The following SHROOM2 variants were observed in gnomAD, a reference collection of about 807,000 sequenced individuals.
The protein encoded by SHROOM2 is shroom family member 2.
SHROOM2 carries 33 observed loss-of-function variants against 75.9 expected under a neutral mutation model. That is an observed-to-expected ratio of 0.43 (90% CI 0.33 to 0.58). The LOEUF is 0.58. Ranked by LOEUF, SHROOM2 falls within the 20% of genes least tolerant of loss-of-function variation. The pLI, the probability that SHROOM2 is intolerant of heterozygous loss-of-function variation, is 0.04. For missense variants in SHROOM2, 1,434 were observed against 1,461.2 expected (o/e 0.98, Z 0.30); for synonymous variants, 655 against 663.6 (o/e 0.99, Z 0.20).
chrX:9,850,199 A>G (rs994125663), intron 1 of SHROOM2, among the ~76,000 whole-genome samples: 2 of 111,979 alleles, frequency 1.8e-5, no homozygotes, highest in African/African-American at 3.2e-5. Flanking sequence ...GGCGCTGCTC[A>G]TTGTGTAGAC....
intron 5 of SHROOM2, among the ~76,000 whole-genome samples, chrX:9,929,066 C>T (rs2084622395): frequency 8.9e-6 from 1 of 112,624 alleles, no homozygotes; most frequent in Non-Finnish European, 1.9e-5. Flanking sequence ...TGCATCTGTG[C>T]GCAAGCACAA....
chrX:9,893,974 TCAA>T (rs1320704876), intron 3 of SHROOM2, among the ~76,000 whole-genome samples: 1 of 102,799 alleles, frequency 9.7e-6, no homozygotes, highest in East Asian at 3.3e-4. Flanking sequence ...AAAACCAAAA[TCAA>T]CAACAACAAC....
chrX:9,820,426 A>G (rs2083847652), intron 1 of SHROOM2, among the ~76,000 whole-genome samples: 1 of 110,671 alleles, frequency 9.0e-6, no homozygotes, highest in Non-Finnish European at 1.9e-5. Flanking sequence ...GTGCAGTGGT[A>G]CAATCATAGC....
intron 1 of SHROOM2, among the ~76,000 whole-genome samples, chrX:9,825,794 C>T (rs759434543): frequency 5.3e-5 from 6 of 112,366 alleles, no homozygotes; most frequent in East Asian, 2.8e-4. Context: ...GCCTGTTTGA[C>T]GCTGTCTGAC....
intron 5 of SHROOM2, among the ~76,000 whole-genome samples, chrX:9,909,569 G>A (rs760090587): frequency 8.0e-5 from 9 of 112,181 alleles, no homozygotes; most frequent in African/African-American, 2.9e-4. Context: ...ACGTTGACAG[G>A]TAAGTCACAT....
chrX:9,914,970 G>C (rs1198777026), intron 5 of SHROOM2, among the ~76,000 whole-genome samples: 1 of 111,686 alleles, frequency 9.0e-6, no homozygotes, highest in Non-Finnish European at 1.9e-5. Context: ...AGGAATTTCA[G>C]TTTGGACTTC....
chrX:9,936,066 T>C (rs1445934270), intron 6 of SHROOM2, among the ~76,000 whole-genome samples: 2 of 110,942 alleles, frequency 1.8e-5, no homozygotes, highest in Non-Finnish European at 3.8e-5. Flanking sequence ...CCAGGGATGC[T>C]TTAGGTACCT....
At chrX:9,839,006 C>T (rs986790003) in intron 1 of SHROOM2, among the ~76,000 whole-genome samples, 1 of 111,017 alleles carries the variant, frequency 9.0e-6, no homozygotes, top group Non-Finnish European at 1.9e-5. Flanking sequence ...CCCTTTCCTT[C>T]CCTGTCGCAC....
intron 1 of SHROOM2, among the ~76,000 whole-genome samples, chrX:9,834,079 G>A (rs369191297): frequency 1.8e-5 from 2 of 112,575 alleles, no homozygotes; most frequent in Non-Finnish European, 3.8e-5. Flanking sequence ...AAGATGGGGG[G>A]ATGCCACTGG....
At chrX:9,923,128 T>C (rs919107753) in intron 5 of SHROOM2, among the ~76,000 whole-genome samples, 22 of 111,772 alleles carry the variant, frequency 2.0e-4, no homozygotes, top group African/African-American at 6.8e-4. Flanking sequence ...GTAAAACCTA[T>C]GATTTTATAA....
rs2147015727 is a variant in SHROOM2 at position 9,894,597 on chromosome X, C to G, written c.689C>G (p.Ser230Cys). The change falls in exon 4 of 10, where the codon TCC becomes TGC. Residue 230 changes from serine to cysteine, a missense_variant. By Grantham distance (112) the Ser-to-Cys change is moderately radical. Transcript: ENST00000380913. ...PDHTLSKADT[S>C]SAENILYTVG... Reference sequence around the variant, plus strand: ...CACACCTTGTCCAAAGCCGACACGTCCTCCGCAGAGAACATCCTCTACACT... The same window carrying G: ...CACACCTTGTCCAAAGCCGACACGTGCTCCGCAGAGAACATCCTCTACACT... 1 of 1,212,138 alleles carries G rather than the reference C, an allele frequency of 8.2e-7. No homozygotes were observed. The highest frequency in any genetic ancestry group is 1.1e-6 in the Non-Finnish European group (1 of 895,537).
Position 9,895,642 on chromosome X carries a change from G to A in SHROOM2, c.1734G>A (p.Arg578=). 8.6e-7 allele frequency: 1 copy of A among 1,165,305 alleles called. No homozygotes were observed. The highest frequency in any genetic ancestry group is 1.1e-6 in the Non-Finnish European group (1 of 875,666). ...CGTGGGCAGATGGGGAGAGCAGCAGGATCTGCCCGCAGGAGACGCCCCTGT... is the reference window on the plus strand; with the variant it reads ...CGTGGGCAGATGGGGAGAGCAGCAGAATCTGCCCGCAGGAGACGCCCCTGT... ...SITWADGESS[R]ICPQETPLLH... The change falls in exon 4 of 10, where the codon AGG becomes AGA. Residue 578 remains arginine, a synonymous_variant. Transcript: ENST00000380913.
intron 1 of SHROOM2, among the ~76,000 whole-genome samples, chrX:9,840,381 C>T (rs1271650867): frequency 9.0e-6 from 1 of 111,704 alleles, no homozygotes; most frequent in Non-Finnish European, 1.9e-5. Context: ...AATTCTCCCA[C>T]CTCAGCTCCC....
At chrX:9,930,596 A>T (rs950774250) in intron 5 of SHROOM2, among the ~76,000 whole-genome samples, 2 of 111,743 alleles carry the variant, frequency 1.8e-5, no homozygotes, top group South Asian at 7.7e-4. Flanking sequence ...GAATATTGAA[A>T]TGCAATGTGG....
At position 9,896,392 on chromosome X, in the gene SHROOM2, G is replaced by T; in HGVS notation, c.2484G>T (p.Arg828Ser). 1 of 1,212,307 alleles carries T rather than the reference G, an allele frequency of 8.2e-7. No homozygotes were observed. Among genetic ancestry groups the T allele is most frequent in the Non-Finnish European group, 1.1e-6 (1 of 895,663 alleles). ...GAATCCCGAGAGACAAGCCAGAGAG[G>T]CCGCGGACAGCGGGCCGCACATGTG... ...LHGIPRDKPE[R>S]PRTAGRTCEG... Residue 828 changes from arginine (R) to serine (S), a missense_variant, in exon 4 of 10, where the codon AGG becomes AGT. Arg to Ser is a moderately radical substitution (Grantham distance 110, BLOSUM62 -1). Around this residue, in one of 3 missense-constraint regions of SHROOM2, gnomAD observed 1,340 missense variants for 1,338.3 expected, o/e 1.00. Transcript: ENST00000380913.
chrX:9,901,722 G>A (rs1054613078), intron 5 of SHROOM2, among the ~76,000 whole-genome samples: 2 of 112,277 alleles, frequency 1.8e-5, no homozygotes, highest in African/African-American at 6.5e-5. Context: ...TTCAAACTGG[G>A]ATGGTTTGGC....
rs1456160560 is a variant in SHROOM2 at position 9,895,484 on chromosome X, C to A, written c.1576C>A (p.Pro526Thr). The A allele has an allele frequency of 1.7e-6, 2 of 1,206,678 alleles. No homozygotes were observed. Among genetic ancestry groups the A allele is most frequent in the African/African-American group, 3.5e-5 (2 of 57,318 alleles). ...CCATCACCTACCTCAGCCTGAGGGTCCTCCGGATGCCCGCGAGACAGGACG... is the reference window on the plus strand; with the variant it reads ...CCATCACCTACCTCAGCCTGAGGGTACTCCGGATGCCCGCGAGACAGGACG... ...PRHHLPQPEG[P>T]PDARETGRCY... The change falls in exon 4 of 10, where the codon CCT becomes ACT. Residue 526 changes from proline (P) to threonine (T), a missense_variant. Transcript: ENST00000380913.
chrX:9,830,814 G>A (rs1425402281), intron 1 of SHROOM2, among the ~76,000 whole-genome samples: 1 of 110,209 alleles, frequency 9.1e-6, no homozygotes, highest in East Asian at 2.8e-4. Flanking sequence ...ATGTTGGTCA[G>A]GCTGGTCACG....
intron 5 of SHROOM2, chrX:9,912,639 C>T (rs1034452384): frequency 1.8e-5 from 2 of 111,626 alleles, no homozygotes; most frequent in African/African-American, 6.5e-5. Flanking sequence ...GGCACTTCAT[C>T]CCAGATGGGA....
Sources: allele counts gnomAD v4.1 joint callset (sites outside exome capture counted in the v4.1 genomes callset), GRCh38; gene constraint gnomAD v4.1.1; regional missense constraint gnomAD v4.1.1; transcripts MANE v1.5; gene names NCBI Gene and HGNC (gene_info 2026-07-23, HGNC 2026-07-21).